Variants in RGPD2 observed in about 807,000 individuals in gnomAD.
RGPD2 encodes RANBP2 like and GRIP domain containing 2, also known as RANBP2-like and GRIP domain-containing protein 2.
Under a neutral mutation model 36.0 loss-of-function variants are expected in RGPD2, and 2 were observed. The observed-to-expected ratio is 0.06, with a 90% confidence interval of 0.02 to 0.17. The LOEUF (loss-of-function observed/expected upper bound fraction) is 0.17. Among genes scored for constraint, RGPD2 ranks in the 10% least tolerant of loss-of-function variants. RGPD2 has a pLI of 1.00. For missense variants in RGPD2, 40 were observed against 464.3 expected (o/e 0.09, Z 8.40); for synonymous variants, 19 against 163.8 (o/e 0.12, Z 6.75).
the RGPD2 span, among the ~76,000 whole-genome samples, chr2:87,872,276 A>C: frequency 6.6e-6 from 1 of 152,282 alleles, no homozygotes; most frequent in Admixed American, 6.5e-5. Flanking sequence ...CATTATCAAG[A>C]AATCAATTAA....
At chr2:87,851,379 C>A in the RGPD2 span, among the ~76,000 whole-genome samples, 1 of 147,352 alleles carries the variant, frequency 6.8e-6, no homozygotes, top group African/African-American at 2.5e-5. Flanking sequence ...GAGTGAGACT[C>A]CATCTCAAAA....
chr2:87,886,959 C>T, the RGPD2 span, among the ~76,000 whole-genome samples: 2 of 151,680 alleles, frequency 1.3e-5, no homozygotes, highest in African/African-American at 4.8e-5. Flanking sequence ...TGATGATTGA[C>T]CCGAGAGCTT....
chr2:87,918,307 G>A, the RGPD2 span, among the ~76,000 whole-genome samples: 1 of 143,036 alleles, frequency 7.0e-6, no homozygotes, highest in Non-Finnish European at 1.5e-5. Flanking sequence ...TGTACTAAAT[G>A]CTTTACACGG....
intron 1 of RGPD2, 95 bp downstream of exon 1, chr2:87,825,555 CAGGTCGAG>C (rs1325958389): frequency 1.1e-6 from 1 of 872,674 alleles, no homozygotes; most frequent in African/African-American, 3.0e-5. Flanking sequence ...GCCGCCCGGC[CAGGTCGAG>C]GCCGCCGCCC....
the RGPD2 span, among the ~76,000 whole-genome samples, chr2:87,847,257 A>G: frequency 6.6e-6 from 1 of 152,014 alleles, no homozygotes; most frequent in Non-Finnish European, 1.5e-5. Context: ...ATTGTGTTTT[A>G]TTTTCTAGAA....
chr2:87,879,260 A>G, the RGPD2 span, among the ~76,000 whole-genome samples: 1 of 151,832 alleles, frequency 6.6e-6, no homozygotes, highest in Admixed American at 6.6e-5. Flanking sequence ...TAAATGGAGT[A>G]TGCATCACCT....
chr2:87,932,832 T>G, the RGPD2 span, among the ~76,000 whole-genome samples: 1 of 151,388 alleles, frequency 6.6e-6, no homozygotes, highest in African/African-American at 2.4e-5. Flanking sequence ...GTTAGTCTGA[T>G]GTACTTCCCT....
At chr2:87,896,694 A>G in the RGPD2 span, among the ~76,000 whole-genome samples, 3 of 55,282 alleles carry the variant, frequency 5.4e-5, no homozygotes, top group Non-Finnish European at 1.1e-4. Flanking sequence ...CAAACATAAT[A>G]ATTGGCTTGG....
At chr2:87,915,394 T>TATTATATATATTGTATATATATAC in the RGPD2 span, among the ~76,000 whole-genome samples, 1 of 141,754 alleles carries the variant, frequency 7.1e-6, no homozygotes. Flanking sequence ...TGTATATATA[T>TATTATATATATTGTATATATATAC]GTATATTATA....
At chr2:87,940,912 A>G in the RGPD2 span, among the ~76,000 whole-genome samples, 2 of 151,914 alleles carry the variant, frequency 1.3e-5, no homozygotes, top group African/African-American at 2.4e-5. Flanking sequence ...TCTGCCATTT[A>G]TCTACAAAGA....
At chr2:87,859,663 G>C in the RGPD2 span, among the ~76,000 whole-genome samples, 1 of 152,214 alleles carries the variant, frequency 6.6e-6, no homozygotes. Flanking sequence ...TCCCAGGAAT[G>C]GCAGGAAGTT....
At chr2:87,955,293 G>T in the RGPD2 span, among the ~76,000 whole-genome samples, 1 of 147,092 alleles carries the variant, frequency 6.8e-6, no homozygotes, top group Non-Finnish European at 1.5e-5. Flanking sequence ...GGGATTACAG[G>T]CATGAGCCAC....
At chr2:87,834,420 T>G in the RGPD2 span, among the ~76,000 whole-genome samples, 2 of 152,024 alleles carry the variant, frequency 1.3e-5, no homozygotes, top group Admixed American at 1.3e-4. Flanking sequence ...TCTCCTTATA[T>G]GAAGATTACA....
the RGPD2 span, among the ~76,000 whole-genome samples, chr2:87,937,441 G>A: frequency 4.8e-3 from 733 of 151,966 alleles, 7 homozygotes; most frequent in African/African-American, 0.017. Context: ...TCTGCAGGCT[G>A]TAGGAGCGTG....
the RGPD2 span, among the ~76,000 whole-genome samples, chr2:87,971,984 A>C: frequency 1.3e-5 from 2 of 150,236 alleles, no homozygotes; most frequent in Admixed American, 1.3e-4. Flanking sequence ...TGGGAATAAG[A>C]ATGTCCTCAG....
chr2:87,855,244 C>T, the RGPD2 span, among the ~76,000 whole-genome samples: 3,665 of 152,102 alleles, frequency 0.024, 63 homozygotes, highest in Admixed American at 0.076. Context: ...GTGTAAATAT[C>T]AAGAAGTGTG....
At chr2:87,763,257 G>A (rs556203698) in intron 22 of RGPD2, among the ~76,000 whole-genome samples, 18 of 146,724 alleles carry the variant, frequency 1.2e-4, no homozygotes, top group South Asian at 6.6e-4. Context: ...TCCCGGGTTC[G>A]CGCCATTCTC....
At chr2:87,952,296 A>C in the RGPD2 span, among the ~76,000 whole-genome samples, 9 of 152,182 alleles carry the variant, frequency 5.9e-5, no homozygotes, top group Non-Finnish European at 1.2e-4. Context: ...AAAATCTAGA[A>C]GCATTCTGCT....
At chr2:87,952,644 C>T in the RGPD2 span, among the ~76,000 whole-genome samples, 8 of 151,592 alleles carry the variant, frequency 5.3e-5, no homozygotes, top group African/African-American at 1.9e-4. Flanking sequence ...GAATTAATGC[C>T]AACTCTGATG....
Sources: allele counts gnomAD v4.1 joint callset (sites outside exome capture counted in the v4.1 genomes callset), GRCh38; gene constraint gnomAD v4.1.1; transcripts MANE v1.5; gene names NCBI Gene and HGNC (gene_info 2026-07-23, HGNC 2026-07-21).